NAA35: variants seen among roughly 807,000 people sequenced by gnomAD.
The protein encoded by NAA35 is N-alpha-acetyltransferase 35, NatC auxiliary subunit, also known as MAK10 homolog, amino-acid N-acetyltransferase subunit.
A neutral mutation model predicts 101.7 loss-of-function variants in NAA35; 18 were observed. The ratio of observed to expected loss-of-function variants is 0.18; its 90% confidence interval spans 0.12 to 0.26. NAA35 has a LOEUF of 0.26. Among genes scored for constraint, NAA35 ranks in the 10% least tolerant of loss-of-function variants. The probability of loss-of-function intolerance (pLI) is 1.00; values close to 1 mark genes in which losing one functional copy is unlikely to be tolerated. For missense variants in NAA35, 601 were observed against 886.8 expected (o/e 0.68, Z 4.09); for synonymous variants, 267 against 273.1 (o/e 0.98, Z 0.22).
At chr9:85,953,509 C>T (rs914129881) in intron 2 of NAA35, among the ~76,000 whole-genome samples, 1 of 152,156 alleles carries the variant, frequency 6.6e-6, no homozygotes, top group African/African-American at 2.4e-5. Flanking sequence ...TCACTGCAAC[C>T]TCTGCCTCCT....
chr9:85,986,120 G>A (rs750676125), intron 11 of NAA35, among the ~76,000 whole-genome samples: 10 of 152,160 alleles, frequency 6.6e-5, no homozygotes, highest in African/African-American at 1.4e-4. Flanking sequence ...AAAATGTCTC[G>A]AAGATACAAG....
chr9:85,956,304 A>T, intron 2 of NAA35, 56 bp from the exon 3 acceptor site: 1 of 1,078,990 alleles, frequency 9.3e-7, no homozygotes. Flanking sequence ...TTTTTTTCTT[A>T]GAATTAAAAG....
intron 2 of NAA35, among the ~76,000 whole-genome samples, chr9:85,955,423 C>T (rs1341127602): frequency 7.7e-6 from 1 of 130,652 alleles, no homozygotes; most frequent in Non-Finnish European, 1.6e-5. Context: ...AGTGCAGTGG[C>T]GTGATCTTGG....
rs1832338373 is a variant in NAA35, at chr9:86,018,385, T to C, written c.1904T>C (p.Leu635Ser). ...SVMTPPPVHYLQFKEMSDLNK... is the reference protein window; with the variant it reads ...SVMTPPPVHYSQFKEMSDLNK... ...ATGACCCCGCCGCCAGTGCACTACT[T>C]ACAGTTCAAGGTGAACCTGCTCAAT... Residue 635 changes from leucine to serine, a missense_variant, in exon 20 of 23, where the codon TTA becomes TCA. By Grantham distance (145) the Leu-to-Ser change is moderately radical (BLOSUM62 -2). Transcript: ENST00000361671. 1.2e-6 allele frequency: 2 copies of C among 1,612,366 alleles called. No individual in the cohort carries two copies. The highest frequency in any genetic ancestry group is 1.3e-5 in the African/African-American group (1 of 74,902).
At chr9:86,015,833 C>A (rs1213248674) in intron 17 of NAA35, 8 of 961,084 alleles carry the variant, frequency 8.3e-6, no homozygotes, top group Admixed American at 1.2e-4. Flanking sequence ...AGAAATCCTT[C>A]ACTTGAATTA....
intron 11 of NAA35, among the ~76,000 whole-genome samples, chr9:85,990,209 T>C (rs1319753524): frequency 3.9e-5 from 6 of 152,206 alleles, no homozygotes; most frequent in Admixed American, 3.9e-4. Context: ...CAATACACTA[T>C]CATGGGAACT....
At chr9:85,975,856 G>A (rs1288793589) in intron 8 of NAA35, among the ~76,000 whole-genome samples, 1 of 152,146 alleles carries the variant, frequency 6.6e-6, no homozygotes, top group Non-Finnish European at 1.5e-5. Context: ...CTGGAACACA[G>A]TAGGTGAGCT....
Position 86,013,835 on chromosome 9 carries a change from G to A in NAA35, c.1506G>A (p.Gln502=), listed in dbSNP as rs1372102603. The change falls in exon 17 of 23, where the codon CAG becomes CAA. Residue 502 remains glutamine, a synonymous_variant. Coordinates refer to ENST00000361671, the MANE Select transcript of NAA35 (RefSeq NM_024635.4). ...ACCATAACCTTCGCATTATGATACA[G>A]TACCTTCTAAGTGGCTTTGAATTGG... ...VLYHNLRIMI[Q]YLLSGFELEL... 5 of 1,613,890 alleles carry A rather than the reference G, an allele frequency of 3.1e-6. No homozygotes were observed. The highest frequency in any genetic ancestry group is 1.7e-5 in the Admixed American group (1 of 59,996).
At chr9:85,991,831 G>T (rs1830924888) in intron 11 of NAA35, among the ~76,000 whole-genome samples, 1 of 152,136 alleles carries the variant, frequency 6.6e-6, no homozygotes, top group African/African-American at 2.4e-5. Context: ...TGATGAGGGG[G>T]TGATCATGGA....
At chr9:85,952,865 G>GT (rs1415150332) in intron 2 of NAA35, among the ~76,000 whole-genome samples, 1 of 152,034 alleles carries the variant, frequency 6.6e-6, no homozygotes, top group African/African-American at 2.4e-5. Flanking sequence ...TATCAAGGTT[G>GT]TTTTTTTATT....
chr9:86,025,302 C>A lies in NAA35; in HGVS notation c.*3342C>A, dbSNP rs779791926. Among the ~76,000 whole-genome samples the A allele has an allele frequency of 4.6e-5, 7 of 152,078 alleles. No individual in the cohort carries two copies. Among genetic ancestry groups the A allele is most frequent in the Non-Finnish European group, 8.8e-5 (6 of 68,024 alleles). ...CTTGGCAAGTAAAGATTGCTGGCGA[C>A]TGGGGCGAGCTCTTTCTTGAAGGGG... On this transcript the variant is annotated 3_prime_UTR_variant, in exon 23 of 23. Transcript: ENST00000361671.
At chr9:85,973,053 T>C (rs1830061665) in intron 6 of NAA35, among the ~76,000 whole-genome samples, 1 of 152,204 alleles carries the variant, frequency 6.6e-6, no homozygotes, top group Non-Finnish European at 1.5e-5. Context: ...GGAATTGACA[T>C]TAGAACAGAG....
rs1258237560 is a variant in NAA35, at chr9:86,016,538, G to T, written c.1569-1G>T. The T allele has an allele frequency of 6.2e-7, 1 of 1,612,222 alleles. No homozygotes were observed. The highest frequency in any genetic ancestry group is 1.7e-5 in the Admixed American group (1 of 59,748). On this transcript the variant is annotated splice_acceptor_variant, in intron 17 of 22. Coordinates refer to ENST00000361671, the MANE Select transcript of NAA35 (RefSeq NM_024635.4). LOFTEE classifies it high-confidence loss of function. The stretch of plus-strand genomic sequence containing the variant: ...TTAACTAACATTTTGTATCCTTTAA[G>T]GTATCTCTCTGAATTCCTTTACGCA...
intron 15 of NAA35, 110 bp downstream of exon 15, chr9:86,010,041 A>C: frequency 6.4e-6 from 5 of 782,572 alleles, no homozygotes; most frequent in Non-Finnish European, 1.1e-5. Context: ...ACCTGAGGTC[A>C]GGAGTTTGAG....
At chr9:85,962,590 C>T (rs950583056) in intron 6 of NAA35, among the ~76,000 whole-genome samples, 3 of 151,488 alleles carry the variant, frequency 2.0e-5, no homozygotes, top group South Asian at 2.1e-4. Flanking sequence ...TATGTACTTT[C>T]GTCTACGTGT....
intron 11 of NAA35, among the ~76,000 whole-genome samples, chr9:85,989,499 A>AG (rs1287033597): frequency 1.3e-5 from 2 of 152,020 alleles, no homozygotes; most frequent in Non-Finnish European, 2.9e-5. Flanking sequence ...ACAAAAAAAA[A>AG]CAAAGACAAA....
At chr9:86,005,761 TATG>T (rs1831610584) in intron 13 of NAA35, among the ~76,000 whole-genome samples, 1 of 152,286 alleles carries the variant, frequency 6.6e-6, no homozygotes, top group African/African-American at 2.4e-5. Context: ...GCAAATCTAA[TATG>T]ATTAATATTC....
chr9:86,010,157 A>G (rs1377143203), intron 15 of NAA35, among the ~76,000 whole-genome samples: 1 of 152,118 alleles, frequency 6.6e-6, no homozygotes, highest in African/African-American at 2.4e-5. Context: ...CTGAGGTGGG[A>G]AAATCGCTTG....
At chr9:85,985,786 A>G (rs549553403) in intron 11 of NAA35, among the ~76,000 whole-genome samples, 14 of 152,366 alleles carry the variant, frequency 9.2e-5, no homozygotes, top group African/African-American at 3.1e-4. Flanking sequence ...GAAAATCACT[A>G]GAGAAATGAT....
Sources: allele counts gnomAD v4.1 joint callset (sites outside exome capture counted in the v4.1 genomes callset), GRCh38; gene constraint gnomAD v4.1.1; transcripts MANE v1.5; gene names NCBI Gene and HGNC (gene_info 2026-07-23, HGNC 2026-07-21).